Variants in CDH4 observed in about 807,000 individuals in gnomAD.
CDH4 encodes the protein cadherin 4.
In CDH4, 33 loss-of-function variants were observed where a neutral mutation model predicts 86.0. The ratio of observed to expected loss-of-function variants is 0.38; its 90% CI spans 0.29 to 0.51. The LOEUF (loss-of-function observed/expected upper bound fraction) is 0.51, where lower values mean the gene tolerates loss of function less well. CDH4 is among the 20% of genes least tolerant of loss of function. The pLI, the probability that CDH4 is intolerant of heterozygous loss-of-function variation, is 0.86. For synonymous variants in CDH4, 555 were observed against 549.4 expected (o/e 1.01, Z -0.14); for missense variants, 1,114 against 1,307.4 (o/e 0.85, Z 2.28).
In CDH4 at chr20:61,668,041, C is replaced by T. The variant is rs140980683; in HGVS notation, c.170-75522C>T. Among the ~76,000 whole-genome samples, 12 of 152,322 alleles carry T rather than the reference C, an allele frequency of 7.9e-5. No individual in the cohort carries two copies. In the East Asian group the frequency reaches 1.7e-3, roughly 22 times the overall value. ...CAAGGCTTCTAAGACCAGAGAGATG[C>T]TAAGTGCTTCTATATTGAAAAGAGT... On this transcript the variant is annotated intron_variant, in intron 2 of 15. Coordinates refer to ENST00000614565, the MANE Select transcript of CDH4 (RefSeq NM_001794.5).
chr20:61,543,234 A>G (rs775439296), intron 2 of CDH4, among the ~76,000 whole-genome samples: 1 of 152,234 alleles, frequency 6.6e-6, no homozygotes, highest in Non-Finnish European at 1.5e-5. Flanking sequence ...ACCCAGGAGC[A>G]GTACTTTGCA....
rs189835137 is a variant in CDH4, at chr20:61,368,812, C to T, written c.169+113875C>T. 3.3e-5 allele frequency among the ~76,000 whole-genome samples: 5 copies of T among 152,246 alleles called. No homozygotes were observed. The East Asian group carries it at 5.8e-4, about 18-fold the overall frequency. On this transcript the variant is annotated intron_variant, in intron 2 of 15. Coordinates refer to ENST00000614565, the MANE Select transcript of CDH4 (RefSeq NM_001794.5). ...GATTACAGGCGTGAGCCACTGCAGC[C>T]GGCTAGGATGGTATTTTGTTGTAGC...
intron 2 of CDH4, among the ~76,000 whole-genome samples, chr20:61,468,435 G>C (rs1175426286): frequency 6.6e-6 from 1 of 151,930 alleles, no homozygotes; most frequent in Admixed American, 6.6e-5. Flanking sequence ...TACATAGAAG[G>C]TATATATATT....
chr20:61,754,163 G>A lies in CDH4; in HGVS notation c.396+10374G>A, dbSNP rs1050892995. ...CCTGCACAGCCTCCCAGGGACCAGTGCTGCAACATCTTGATTTTGGACTTC... is the reference window on the plus strand; with the variant it reads ...CCTGCACAGCCTCCCAGGGACCAGTACTGCAACATCTTGATTTTGGACTTC... On this transcript the variant is annotated intron_variant, in intron 3 of 15. Transcript: ENST00000614565. This position sits in a 1 kb window ranked among gnomAD's most constrained non-coding sequence, Gnocchi z 4.7. Among the ~76,000 whole-genome samples, 43 of 152,264 alleles carry A rather than the reference G, an allele frequency of 2.8e-4. No individual in the cohort carries two copies. Among genetic ancestry groups the A allele is most frequent in the African/African-American group, 9.6e-4 (40 of 41,554 alleles).
At chr20:61,638,030 T>TA (rs10664878) in intron 2 of CDH4, among the ~76,000 whole-genome samples, 7 of 141,442 alleles carry the variant, frequency 4.9e-5, no homozygotes, top group Non-Finnish European at 9.1e-5. Context: ...AAACTCCGTC[T>TA]AAAAAAAAAA....
chr20:61,525,886 C>T (rs1338022180), intron 2 of CDH4, among the ~76,000 whole-genome samples: 2 of 152,108 alleles, frequency 1.3e-5, no homozygotes, highest in Non-Finnish European at 1.5e-5. Flanking sequence ...CAGAGAAAAG[C>T]GGAGCCACCG....
At chr20:61,755,437 C>A (rs1478923818) in intron 3 of CDH4, among the ~76,000 whole-genome samples, 1 of 144,490 alleles carries the variant, frequency 6.9e-6, no homozygotes, top group African/African-American at 2.7e-5. Context: ...CGTCACACAC[C>A]ACACACACAC....
chr20:61,277,391 G>A (rs933995960), intron 2 of CDH4, among the ~76,000 whole-genome samples: 1 of 152,198 alleles, frequency 6.6e-6, no homozygotes, highest in Non-Finnish European at 1.5e-5. Context: ...GTATGCATGT[G>A]TTAGATAGCA....
intron 2 of CDH4, among the ~76,000 whole-genome samples, chr20:61,350,370 CGG>C (rs1273791674): frequency 0.037 from 316 of 8,620 alleles, 128 homozygotes; most frequent in African/African-American, 0.12. Context: ...CAGAGGCCAG[CGG>C]AACACCTCTG....
At chr20:61,319,698 C>A (rs746820701) in intron 2 of CDH4, among the ~76,000 whole-genome samples, 4 of 151,798 alleles carry the variant, frequency 2.6e-5, no homozygotes, top group Non-Finnish European at 4.4e-5. Flanking sequence ...GTAATCCCAG[C>A]ACTTTGGGAG....
At chr20:61,761,098 A>G (rs570915251) in intron 3 of CDH4, among the ~76,000 whole-genome samples, 3 of 152,316 alleles carry the variant, frequency 2.0e-5, no homozygotes, top group East Asian at 3.9e-4. Context: ...CCCTTTCTCA[A>G]AGGTACACCG....
At chr20:61,871,672 G>T (rs1384348056) in intron 6 of CDH4, among the ~76,000 whole-genome samples, 1 of 152,108 alleles carries the variant, frequency 6.6e-6, no homozygotes, top group East Asian at 1.9e-4. Flanking sequence ...CTCTAAAGTG[G>T]TGGGGACATC....
At chr20:61,734,161 G>GCACCCGTCACTGCCGTGCA (rs2088231726) in intron 2 of CDH4, among the ~76,000 whole-genome samples, 1 of 152,260 alleles carries the variant, frequency 6.6e-6, no homozygotes, top group Admixed American at 6.5e-5. Flanking sequence ...CCGCATCACT[G>GCACCCGTCACTGCCGTGCA]CACCCGTCAC....
At chr20:61,894,270 A>G (rs936586862) in intron 7 of CDH4, among the ~76,000 whole-genome samples, 1 of 152,238 alleles carries the variant, frequency 6.6e-6, no homozygotes, top group Non-Finnish European at 1.5e-5. Flanking sequence ...GAGAAAGGCC[A>G]TCAGACTCCT....
intron 2 of CDH4, among the ~76,000 whole-genome samples, chr20:61,311,551 C>T (rs923837379): frequency 3.2e-4 from 49 of 152,308 alleles, no homozygotes; most frequent in Middle Eastern, 3.4e-3. Context: ...ACATGTTACA[C>T]CTCACTAGTA....
chr20:61,611,114 C>T (rs2086682019), intron 2 of CDH4, among the ~76,000 whole-genome samples: 1 of 152,054 alleles, frequency 6.6e-6, no homozygotes, highest in African/African-American at 2.4e-5. Context: ...GTCTCATTGG[C>T]TCAGAGGGTG....
At chr20:61,702,504 G>T (rs987049822) in intron 2 of CDH4, among the ~76,000 whole-genome samples, 1 of 152,244 alleles carries the variant, frequency 6.6e-6, no homozygotes, top group Admixed American at 6.5e-5. Flanking sequence ...TTCGCACTGT[G>T]TGTTGTTACG....
chr20:61,558,419 G>A (rs55960316), intron 2 of CDH4, among the ~76,000 whole-genome samples: 2,491 of 152,192 alleles, frequency 0.016, 25 homozygotes, highest in Non-Finnish European at 0.024. Flanking sequence ...CGGCAAAAGT[G>A]TAGGTAACTT....
intron 2 of CDH4, among the ~76,000 whole-genome samples, chr20:61,673,033 G>C (rs1483358343): frequency 2.0e-5 from 3 of 152,170 alleles, no homozygotes; most frequent in East Asian, 3.9e-4. Flanking sequence ...GCATCAGAGA[G>C]AGAGATTGGA....
Sources: gnomAD v4.1 joint callset for allele counts (sites outside exome capture counted in the v4.1 genomes callset) on GRCh38, gnomAD v4.1.1 for gene constraint, Gnocchi (gnomAD v3.1) non-coding constraint, MANE v1.5 for transcripts, NCBI Gene and HGNC (gene_info 2026-07-23, HGNC 2026-07-21) for gene names.